ST3GAL2: variants seen among roughly 807,000 people sequenced by gnomAD.
ST3GAL2 encodes the protein CMP-N-acetylneuraminate-beta-galactosamide-alpha-2,3-sialyltransferase 2.
In ST3GAL2, 16 loss-of-function variants were observed where a neutral mutation model predicts 37.5. The ratio of observed to expected loss-of-function variants is 0.43; its 90% CI spans 0.29 to 0.65. The LOEUF is 0.65. Among genes scored for constraint, ST3GAL2 ranks in the 30% least tolerant of loss-of-function variants. ST3GAL2 has a pLI of 0.17. For synonymous variants in ST3GAL2, 238 were observed against 202.9 expected (o/e 1.17, Z -1.47); for missense variants, 383 against 487.8 (o/e 0.79, Z 2.02).
At chr16:70,397,043 CTTTTTTT>C (rs35885469) in intron 2 of ST3GAL2, among the ~76,000 whole-genome samples, 1 of 130,286 alleles carries the variant, frequency 7.7e-6, no homozygotes, top group African/African-American at 2.9e-5. Context: ...TCTTTTCTTT[CTTTTTTT>C]TTTTTTTTTG....
chr16:70,430,739 C>T (rs1421437240), intron 1 of ST3GAL2, among the ~76,000 whole-genome samples: 1 of 152,128 alleles, frequency 6.6e-6, no homozygotes, highest in Non-Finnish European at 1.5e-5. Flanking sequence ...TCTGGCAACC[C>T]GAACCCAGGA....
In ST3GAL2 at chr16:70,406,722, G is replaced by A. The variant is rs373608267; in HGVS notation, c.-1003-7189C>T. ...CTTGAACCTGGGAGGTGGAGGTTGC[G>A]GTGAGCCAAGATCGTGCCACCGCAC... is the stretch of plus-strand genomic sequence containing the variant. On this transcript the variant is annotated intron_variant, in intron 1 of 6. Coordinates refer to ENST00000342907, the MANE Select transcript of ST3GAL2 (RefSeq NM_006927.4). 1.2e-3 allele frequency among the ~76,000 whole-genome samples: 177 copies of A among 151,366 alleles called. 4 individuals are homozygous for A. The highest frequency in any genetic ancestry group is 3.9e-3 in the African/African-American group (160 of 41,264).
Position 70,412,316 on chromosome 16 carries a change from C to A in ST3GAL2, c.-1003-12783G>T, listed in dbSNP as rs534830086. ...ATTATTTGTGATCTAATTGTCAATT[C>A]TTTGAATTCTTTCTTACCTCCAGTA... On this transcript the variant is annotated intron_variant, in intron 1 of 6. Transcript: ENST00000342907. Among the ~76,000 whole-genome samples the A allele has an allele frequency of 2.3e-3, 353 of 152,278 alleles. 1 individual carries two copies. The highest frequency in any genetic ancestry group is 4.2e-3 in the Non-Finnish European group (285 of 68,022).
intron 1 of ST3GAL2, among the ~76,000 whole-genome samples, chr16:70,402,575 G>A (rs369196286): frequency 1.3e-5 from 2 of 152,172 alleles, no homozygotes; most frequent in Admixed American, 6.5e-5. Flanking sequence ...AGGGGGAAGA[G>A]AGGTAGATGA....
At chr16:70,437,754 C>T (rs974622518) in intron 1 of ST3GAL2, among the ~76,000 whole-genome samples, 7 of 152,134 alleles carry the variant, frequency 4.6e-5, no homozygotes, top group Middle Eastern at 3.2e-3. Flanking sequence ...GTGTGGTCTC[C>T]CAGACTCCTC....
chr16:70,381,597 A>G lies in ST3GAL2; in HGVS notation c.*92T>C. 6.7e-7 allele frequency: 1 copy of G among 1,483,196 alleles called. No individual in the cohort carries two copies. The highest frequency in any genetic ancestry group is 2.4e-5 in the East Asian group (1 of 42,154). The allele number at this position is 1,483,196 out of a possible 1,614,324, so 91.9% of individuals were successfully genotyped here. Reference sequence around the variant, plus strand: ...GGCACAGCAGACGCCCCTGGGCTGCAGCATGATTGGTCGCGGGTTGCTGGT... The same window carrying G: ...GGCACAGCAGACGCCCCTGGGCTGCGGCATGATTGGTCGCGGGTTGCTGGT... On this transcript the variant is annotated 3_prime_UTR_variant, in exon 7 of 7. Coordinates refer to ENST00000342907, the MANE Select transcript of ST3GAL2 (RefSeq NM_006927.4).
chr16:70,408,490 T>C (rs1308993412), intron 1 of ST3GAL2, among the ~76,000 whole-genome samples: 2 of 152,050 alleles, frequency 1.3e-5, no homozygotes, highest in Non-Finnish European at 2.9e-5. Flanking sequence ...GTCCTTGACC[T>C]GTCTGAGAAT....
chr16:70,436,712 G>C (rs1400508729), intron 1 of ST3GAL2, among the ~76,000 whole-genome samples: 1 of 152,052 alleles, frequency 6.6e-6, no homozygotes, highest in Non-Finnish European at 1.5e-5. Flanking sequence ...CTGTAACCAT[G>C]AGACCTTCCG....
intron 1 of ST3GAL2, among the ~76,000 whole-genome samples, chr16:70,404,997 C>A (rs2047579769): frequency 6.7e-6 from 1 of 149,418 alleles, no homozygotes; most frequent in Non-Finnish European, 1.5e-5. Flanking sequence ...CGCACCACTG[C>A]ACTCCAGCCT....
chr16:70,385,597 C>T (rs2047436457), intron 4 of ST3GAL2, among the ~76,000 whole-genome samples: 1 of 151,196 alleles, frequency 6.6e-6, no homozygotes, highest in Non-Finnish European at 1.5e-5. Context: ...TTAATGGTTG[C>T]CTAGGGCTCG....
chr16:70,427,945 A>G (rs2047762898), intron 1 of ST3GAL2, among the ~76,000 whole-genome samples: 1 of 152,130 alleles, frequency 6.6e-6, no homozygotes, highest in African/African-American at 2.4e-5. Flanking sequence ...GTCTTCACAT[A>G]AGCAAATCTC....
At chr16:70,418,871 G>C (rs74026026) in intron 1 of ST3GAL2, among the ~76,000 whole-genome samples, 12,207 of 152,112 alleles carry the variant, frequency 0.08, 1,630 homozygotes, top group African/African-American at 0.28. Flanking sequence ...CCTGGGGCAG[G>C]AAATCAGCTG....
At chr16:70,393,602 C>T (rs543576882) in intron 3 of ST3GAL2, 1 of 152,432 alleles carries the variant, frequency 6.6e-6, no homozygotes, top group Admixed American at 6.5e-5. Flanking sequence ...TGCCTCAATT[C>T]CCAACCTGGC....
At chr16:70,422,882 C>G (rs1328910420) in intron 1 of ST3GAL2, 1 of 152,252 alleles carries the variant, frequency 6.6e-6, no homozygotes, top group Non-Finnish European at 1.5e-5. Flanking sequence ...TACCTGTCCC[C>G]TCACAAACTG....
intron 1 of ST3GAL2, among the ~76,000 whole-genome samples, chr16:70,409,005 G>A (rs1052861202): frequency 5.4e-5 from 8 of 149,512 alleles, no homozygotes; most frequent in Non-Finnish European, 1.5e-5. Flanking sequence ...CGGCAGGGGA[G>A]TTGGGGTGAA....
intron 3 of ST3GAL2, among the ~76,000 whole-genome samples, chr16:70,389,293 T>C (rs1167360882): frequency 6.6e-6 from 1 of 150,668 alleles, no homozygotes; most frequent in Middle Eastern, 3.4e-3. Context: ...TACATTTTTA[T>C]TTATTTACTT....
intron 1 of ST3GAL2, among the ~76,000 whole-genome samples, chr16:70,426,113 G>C (rs1276827084): frequency 6.7e-6 from 1 of 148,946 alleles, no homozygotes; most frequent in Non-Finnish European, 1.5e-5. Context: ...CGTCAATATA[G>C]AACGTAACAG....
At chr16:70,434,104 C>G (rs181130120) in intron 1 of ST3GAL2, among the ~76,000 whole-genome samples, 58 of 152,270 alleles carry the variant, frequency 3.8e-4, no homozygotes, top group African/African-American at 1.3e-3. Flanking sequence ...TTGGACATTA[C>G]TGTCTCCTCC....
chr16:70,433,068 A>G (rs570300856), intron 1 of ST3GAL2, among the ~76,000 whole-genome samples: 5 of 152,186 alleles, frequency 3.3e-5, no homozygotes, highest in Non-Finnish European at 5.9e-5. Context: ...GCGAGGCCAC[A>G]TCACCTTCTC....
Sources: allele counts gnomAD v4.1 joint callset (sites outside exome capture counted in the v4.1 genomes callset), GRCh38; gene constraint gnomAD v4.1.1; transcripts MANE v1.5; gene names NCBI Gene and HGNC (gene_info 2026-07-23, HGNC 2026-07-21).